Variants in NRXN1 observed in about 807,000 individuals in gnomAD.
The protein encoded by NRXN1 is neurexin-1.
Under a neutral mutation model 150.9 loss-of-function variants are expected in NRXN1, and 39 were observed. The observed-to-expected ratio is 0.26, with a 90% CI of 0.20 to 0.34. NRXN1 has a LOEUF of 0.34. Among genes scored for constraint, NRXN1 ranks in the 10% least tolerant of loss-of-function variants. NRXN1 has a pLI of 1.00. For synonymous variants in NRXN1, 924 were observed against 757.0 expected (o/e 1.22, Z -3.62); for missense variants, 1,815 against 1,949.9 (o/e 0.93, Z 1.30).
chr2:50,249,933 T>G (rs912021843), intron 17 of NRXN1, among the ~76,000 whole-genome samples: 2 of 152,136 alleles, frequency 1.3e-5, no homozygotes, highest in African/African-American at 4.8e-5. Context: ...CCACCGTGCC[T>G]GGCCCAGATT....
intron 5 of NRXN1, among the ~76,000 whole-genome samples, chr2:50,863,319 G>A (rs868316185): frequency 2.0e-5 from 3 of 151,986 alleles, no homozygotes; most frequent in South Asian, 2.1e-4. Context: ...TTACACCACC[G>A]CAGCAATTTC....
intron 18 of NRXN1, among the ~76,000 whole-genome samples, chr2:50,160,098 G>A (rs2059269810): frequency 6.6e-6 from 1 of 151,960 alleles, no homozygotes; most frequent in African/African-American, 2.4e-5. Context: ...GCTACAATTC[G>A]GGCCAAACCT....
chr2:50,154,157 T>A (rs541065812), intron 18 of NRXN1, among the ~76,000 whole-genome samples: 1 of 151,804 alleles, frequency 6.6e-6, no homozygotes, highest in African/African-American at 2.4e-5. Flanking sequence ...TTTTTTTAGA[T>A]CTTCCCAGAC....
rs140348993 is a variant in NRXN1 at position 50,323,689 on chromosome 2, C to A, written c.3365-86719G>T. Among the ~76,000 whole-genome samples the A allele has an allele frequency of 2.4e-3, 372 of 152,038 alleles. 1 individual carries two copies. The highest frequency in any genetic ancestry group is 8.5e-3 in the African/African-American group (351 of 41,442). ...AAATCTTTTGATGTAAAGAAAAATG[C>A]GAAGAGTTTGAAATTAATACTTGGT... On this transcript the variant is annotated intron_variant, in intron 17 of 22. Coordinates refer to ENST00000401669, the MANE Select transcript of NRXN1 (RefSeq NM_001330078.2).
At chr2:50,349,273 C>T (rs1350459779) in intron 17 of NRXN1, among the ~76,000 whole-genome samples, 13 of 152,190 alleles carry the variant, frequency 8.5e-5, no homozygotes, top group Non-Finnish European at 5.9e-5. Context: ...CACAGCTGCT[C>T]GAAGGCCAGC....
intron 15 of NRXN1, among the ~76,000 whole-genome samples, chr2:50,495,382 T>TGTG (rs2091523232): frequency 8.6e-6 from 1 of 116,284 alleles, no homozygotes; most frequent in African/African-American, 3.5e-5. Flanking sequence ...GTGTGTGTGG[T>TGTG]GTGTGTGTGT....
chr2:50,878,395 T>G (rs1356656215), intron 5 of NRXN1, among the ~76,000 whole-genome samples: 1 of 151,920 alleles, frequency 6.6e-6, no homozygotes, highest in Admixed American at 6.6e-5. Flanking sequence ...GCAGTTCTTT[T>G]GATCAATTGC....
In NRXN1 at chr2:50,392,745, G is replaced by A. The variant is rs541170141; in HGVS notation, c.3364+72697C>T. On this transcript the variant is annotated intron_variant, in intron 17 of 22. Coordinates refer to ENST00000401669, the MANE Select transcript of NRXN1 (RefSeq NM_001330078.2). ...ATAAACATGCGAAAACAAAGACGTA[G>A]TAGAGAAAAGTTTTCAAATGGGTAT... 4.5e-4 allele frequency among the ~76,000 whole-genome samples: 68 copies of A among 152,184 alleles called. 1 individual carries two copies. The highest frequency in any genetic ancestry group is 1.6e-3 in the African/African-American group (67 of 41,550).
At chr2:50,225,592 T>C (rs2064295727) in intron 18 of NRXN1, among the ~76,000 whole-genome samples, 1 of 151,254 alleles carries the variant, frequency 6.6e-6, no homozygotes, top group African/African-American at 2.4e-5. Context: ...AAATATATAA[T>C]CCAGGCCTCA....
chr2:50,981,691 C>T (rs1575119953), intron 2 of NRXN1, among the ~76,000 whole-genome samples: 1 of 151,810 alleles, frequency 6.6e-6, no homozygotes, highest in African/African-American at 2.4e-5. Context: ...TCTTTGACAG[C>T]TTTTGGCTCA....
intron 21 of NRXN1, among the ~76,000 whole-genome samples, chr2:50,013,154 G>C (rs1302479341): frequency 6.6e-6 from 1 of 151,828 alleles, no homozygotes; most frequent in Admixed American, 6.6e-5. Flanking sequence ...ATTTTCATTG[G>C]TTATCTTTTA....
At chr2:50,181,702 G>C (rs980259355) in intron 18 of NRXN1, among the ~76,000 whole-genome samples, 7 of 151,572 alleles carry the variant, frequency 4.6e-5, no homozygotes, top group Non-Finnish European at 8.8e-5. Flanking sequence ...TACTTTTTTT[G>C]TTTACTTGAA....
In NRXN1 at chr2:50,080,388, A is replaced by G. The variant is rs148167167; in HGVS notation, c.3718+10935T>C. Among the ~76,000 whole-genome samples, 33 of 152,242 alleles carry G rather than the reference A, an allele frequency of 2.2e-4. No individual in the cohort carries two copies. The East Asian group carries it at 5.2e-3, about 24-fold the overall frequency. The stretch of plus-strand genomic sequence containing the variant: ...CATAGTATATATAGGTTTTGGTACT[A>G]TCTGTGATTTCTGGCATCCAATGAG... On this transcript the variant is annotated intron_variant, in intron 19 of 22. Coordinates refer to ENST00000401669, the MANE Select transcript of NRXN1 (RefSeq NM_001330078.2).
chr2:50,830,327 A>G (rs533694602), intron 5 of NRXN1, among the ~76,000 whole-genome samples: 24 of 152,244 alleles, frequency 1.6e-4, no homozygotes, highest in African/African-American at 5.8e-4. Flanking sequence ...AAATGAGCCA[A>G]GCCCCATGTT....
intron 5 of NRXN1, among the ~76,000 whole-genome samples, chr2:50,816,752 G>C (rs1050611053): frequency 6.6e-6 from 1 of 152,028 alleles, no homozygotes; most frequent in African/African-American, 2.4e-5. Flanking sequence ...CCATGAGTTG[G>C]TCACTGCTGT....
chr2:50,628,540 A>T (rs1681614980), intron 5 of NRXN1, among the ~76,000 whole-genome samples: 1 of 151,714 alleles, frequency 6.6e-6, no homozygotes, highest in Admixed American at 6.6e-5. Flanking sequence ...TAAGAATATT[A>T]TGTTTCATCT....
chr2:50,944,275 G>T lies in NRXN1; in HGVS notation c.773-18320C>A, dbSNP rs1423524242. Among the ~76,000 whole-genome samples, 3 of 152,060 alleles carry T rather than the reference G, an allele frequency of 2.0e-5. 1 individual carries two copies. Among genetic ancestry groups the T allele is most frequent in the Non-Finnish European group, 4.4e-5 (3 of 68,002 alleles). On this transcript the variant is annotated intron_variant, in intron 2 of 22. Coordinates refer to ENST00000401669, the MANE Select transcript of NRXN1 (RefSeq NM_001330078.2). Reference sequence around the variant, plus strand: ...TGGTTACACAAATTATAAAGAATGGGTATAACTCTCCTGGTGAAGAAATTC... The same window carrying T: ...TGGTTACACAAATTATAAAGAATGGTTATAACTCTCCTGGTGAAGAAATTC...
intron 21 of NRXN1, among the ~76,000 whole-genome samples, chr2:49,957,701 T>C (rs747450852): frequency 1.3e-5 from 2 of 152,184 alleles, no homozygotes; most frequent in Non-Finnish European, 2.9e-5. Context: ...TGGAGGCTCT[T>C]TGAATTATGT....
At chr2:50,956,933 G>A (rs541433332) in intron 2 of NRXN1, among the ~76,000 whole-genome samples, 44 of 152,032 alleles carry the variant, frequency 2.9e-4, no homozygotes, top group African/African-American at 7.5e-4. Context: ...CAGAATGAAG[G>A]AGCAGAGGGA....
Sources: allele counts gnomAD v4.1 joint callset (sites outside exome capture counted in the v4.1 genomes callset), GRCh38; gene constraint gnomAD v4.1.1; transcripts MANE v1.5; gene names NCBI Gene and HGNC (gene_info 2026-07-23, HGNC 2026-07-21).